PTPRD: variants seen among roughly 807,000 people sequenced by gnomAD.
PTPRD encodes protein tyrosine phosphatase receptor type D.
In PTPRD, 34 loss-of-function variants were observed where a neutral mutation model predicts 214.5. That is an observed-to-expected ratio of 0.16 (90% CI 0.12 to 0.21). The LOEUF (loss-of-function observed/expected upper bound fraction) is 0.21. PTPRD is among the 10% of genes least tolerant of loss of function. PTPRD has a pLI of 1.00. For synonymous variants in PTPRD, 1,128 were observed against 845.7 expected, an observed-to-expected ratio of 1.33 and a Z score of -5.79; for missense variants, 2,545 against 2,398.7, an observed-to-expected ratio of 1.06 and a Z score of -1.27.
chr9:8,536,131 A>C (rs1304486190), intron 14 of PTPRD, among the ~76,000 whole-genome samples: 2 of 151,910 alleles, frequency 1.3e-5, no homozygotes, highest in East Asian at 3.9e-4. Flanking sequence ...TGTAGTAAAA[A>C]ATTAAAGAAA....
At chr9:9,683,914 C>T (rs1304419233) in intron 7 of PTPRD, among the ~76,000 whole-genome samples, 3 of 151,580 alleles carry the variant, frequency 2.0e-5, no homozygotes, top group Non-Finnish European at 4.4e-5. Flanking sequence ...AATTATATGA[C>T]TCCAGCAACC....
At chr9:9,196,078 T>A (rs1008006657) in intron 9 of PTPRD, among the ~76,000 whole-genome samples, 1 of 152,156 alleles carries the variant, frequency 6.6e-6, no homozygotes, top group African/African-American at 2.4e-5. Flanking sequence ...TGACCACTTG[T>A]TACTTATGTG....
intron 3 of PTPRD, among the ~76,000 whole-genome samples, chr9:10,092,811 C>A (rs2154199942): frequency 6.6e-6 from 1 of 151,466 alleles, no homozygotes; most frequent in Middle Eastern, 3.4e-3. Flanking sequence ...TACCTACAAC[C>A]ACCTGATCTG....
At chr9:9,858,086 GAACTGTGCTATATA>G (rs2061910601) in intron 5 of PTPRD, among the ~76,000 whole-genome samples, 1 of 152,082 alleles carries the variant, frequency 6.6e-6, no homozygotes, top group South Asian at 2.1e-4. Context: ...AGACATTCAG[GAACTGTGCTATATA>G]GTCTGTGCAA....
At chr9:8,396,482 A>G (rs2091205164) in intron 36 of PTPRD, among the ~76,000 whole-genome samples, 1 of 152,128 alleles carries the variant, frequency 6.6e-6, no homozygotes, top group African/African-American at 2.4e-5. Flanking sequence ...TGAAGTGTAG[A>G]TTCATTAGAG....
rs869076374 is a variant in PTPRD, at chr9:9,328,618, C to CTTTTTTTTTTT, written c.-203+68820_-203+68830dup. Among the ~76,000 whole-genome samples the CTTTTTTTTTTT allele has an allele frequency of 3.5e-4, 10 of 28,232 alleles. 2 individuals carry two copies. The highest frequency in any genetic ancestry group is 6.3e-4 in the African/African-American group (5 of 7,928). The allele number at this position is 28,232 out of a possible 152,430, so 18.5% of individuals were successfully genotyped here. A position where few individuals can be genotyped will look rare whatever the true frequency, so the allele number is the denominator to read the frequency against. On this transcript the variant is annotated intron_variant, in intron 9 of 45. Transcript: ENST00000381196. ...ACATTTTCTTTTGTTGTTGTTCTTG[C>CTTTTTTTTTTT]TTTTTTTTTTTTTTTTTTTTTTTTT...
intron 5 of PTPRD, among the ~76,000 whole-genome samples, chr9:9,798,952 T>C (rs965416911): frequency 6.6e-6 from 1 of 152,190 alleles, no homozygotes; most frequent in Non-Finnish European, 1.5e-5. Context: ...AAAAATGCTT[T>C]GTTCTCAAAA....
At position 8,948,483 on chromosome 9, in the gene PTPRD, ATATATATATT is replaced by A. The variant is rs1567183067; in HGVS notation, c.-104+70204_-104+70213del. ...TATATATTTACATATATATATATTT[ATATATATATT>A]TATATATATATTTATATATATATAT... On this transcript the variant is annotated intron_variant, in intron 11 of 45. Transcript: ENST00000381196. Among the ~76,000 whole-genome samples, 116 of 55,830 alleles carry A rather than the reference ATATATATATT, an allele frequency of 2.1e-3. 13 individuals carry two copies. The highest frequency in any genetic ancestry group is 7.5e-3 in the African/African-American group (105 of 13,996). The allele number at this position is 55,830 out of a possible 152,430, so 36.6% of individuals were successfully genotyped here. A position where few individuals can be genotyped will look rare whatever the true frequency, so the allele number is the denominator to read the frequency against.
At chr9:10,609,241 GGATA>G (rs1329068995) in intron 2 of PTPRD, among the ~76,000 whole-genome samples, 1 of 151,910 alleles carries the variant, frequency 6.6e-6, no homozygotes, top group Non-Finnish European at 1.5e-5. Flanking sequence ...AGAGACACAT[GGATA>G]GATATATTTA....
At chr9:10,222,255 C>A (rs2099573784) in intron 3 of PTPRD, among the ~76,000 whole-genome samples, 2 of 152,050 alleles carry the variant, frequency 1.3e-5, no homozygotes, top group Admixed American at 1.3e-4. Context: ...CAAGAATAGT[C>A]TTACATAGAG....
intron 7 of PTPRD, among the ~76,000 whole-genome samples, chr9:9,723,436 T>G (rs1460276100): frequency 6.6e-6 from 1 of 152,028 alleles, no homozygotes; most frequent in Non-Finnish European, 1.5e-5. Context: ...TCTCATGGTT[T>G]TATAGTAAAT....
chr9:8,708,166 T>C (rs976907686), intron 12 of PTPRD, among the ~76,000 whole-genome samples: 2 of 152,180 alleles, frequency 1.3e-5, no homozygotes, highest in African/African-American at 4.8e-5. Context: ...CAACCAGTTA[T>C]TGAGAGTATA....
intron 10 of PTPRD, among the ~76,000 whole-genome samples, chr9:9,091,625 G>A (rs1055935711): frequency 1.3e-5 from 2 of 152,164 alleles, no homozygotes; most frequent in African/African-American, 4.8e-5. Context: ...AGTATTTGTG[G>A]AATGAGAAGT....
At chr9:9,646,428 G>T (rs2096178936) in intron 7 of PTPRD, among the ~76,000 whole-genome samples, 1 of 151,838 alleles carries the variant, frequency 6.6e-6, no homozygotes, top group Non-Finnish European at 1.5e-5. Flanking sequence ...CCATTTAGCA[G>T]AGTAAGTACC....
chr9:8,695,039 T>C (rs2097881421), intron 12 of PTPRD, among the ~76,000 whole-genome samples: 1 of 152,180 alleles, frequency 6.6e-6, no homozygotes, highest in Non-Finnish European at 1.5e-5. Flanking sequence ...AGCTACTCAA[T>C]AGCAGCTCAA....
intron 22 of PTPRD, among the ~76,000 whole-genome samples, chr9:8,505,440 G>C (rs894838723): frequency 6.6e-6 from 1 of 151,942 alleles, no homozygotes; most frequent in Non-Finnish European, 1.5e-5. Flanking sequence ...GGCTAACATG[G>C]TGAAATCCCA....
At chr9:9,527,910 G>T (rs2074512504) in intron 8 of PTPRD, among the ~76,000 whole-genome samples, 1 of 152,178 alleles carries the variant, frequency 6.6e-6, no homozygotes, top group Non-Finnish European at 1.5e-5. Context: ...TCTGCCTTAA[G>T]CAACATAGTC....
At chr9:10,319,400 T>C (rs1467481031) in intron 3 of PTPRD, among the ~76,000 whole-genome samples, 1 of 152,106 alleles carries the variant, frequency 6.6e-6, no homozygotes, top group Non-Finnish European at 1.5e-5. Flanking sequence ...ATTCAAAATA[T>C]GTGCAAGGCA....
chr9:9,124,260 T>C (rs1383885117), intron 10 of PTPRD, among the ~76,000 whole-genome samples: 2 of 152,156 alleles, frequency 1.3e-5, no homozygotes, highest in South Asian at 2.1e-4. Context: ...CTGGAAAAAG[T>C]AGCTTTTAAG....
Sources: allele counts gnomAD v4.1 joint callset (sites outside exome capture counted in the v4.1 genomes callset), GRCh38; gene constraint gnomAD v4.1.1; transcripts MANE v1.5; gene names NCBI Gene and HGNC (gene_info 2026-07-23, HGNC 2026-07-21).